Variants in EMP2 observed in about 807,000 individuals in gnomAD.
EMP2 encodes the protein epithelial membrane protein 2.
In EMP2, 19 loss-of-function variants were observed where a neutral mutation model predicts 13.7. The observed-to-expected ratio is 1.38, with a 90% CI of 0.97 to 2.03. EMP2 has a LOEUF of 2.03. EMP2 is among the 30% of genes most tolerant of loss of function. The pLI is 0.00. For synonymous variants in EMP2, 97 were observed against 84.7 expected (o/e 1.15, Z -0.80); for missense variants, 253 against 220.7 (o/e 1.15, Z -0.93).
At position 10,532,740 on chromosome 16, in the gene EMP2, A is replaced by ATTTTTTTTTTTT. The variant is rs35927182; in HGVS notation, c.*164_*165insAAAAAAAAAAAA. ...ATGCAAAAACTCTTCTCTCTTTTGG[A>ATTTTTTTTTTTT]TTTTTTTTTTCTTTTTTCTTTTTTT... On this transcript the variant is annotated 3_prime_UTR_variant, in exon 5 of 5. Coordinates refer to ENST00000359543, the MANE Select transcript of EMP2 (RefSeq NM_001424.6). 2 of 202,990 alleles carry ATTTTTTTTTTTT rather than the reference A, an allele frequency of 9.9e-6. No homozygotes were observed. Among genetic ancestry groups the ATTTTTTTTTTTT allele is most frequent in the Admixed American group, 1.2e-4 (1 of 8,360 alleles). The allele number at this position is 202,990 out of a possible 1,614,324, so 12.6% of individuals were successfully genotyped here. A position where few individuals can be genotyped will look rare whatever the true frequency, so the allele number is the denominator to read the frequency against.
At chr16:10,577,026 C>A (rs146144160) in intron 1 of EMP2, among the ~76,000 whole-genome samples, 2 of 152,152 alleles carry the variant, frequency 1.3e-5, no homozygotes, top group African/African-American at 4.8e-5. Flanking sequence ...ACAGATGACA[C>A]GTGCTATAAG....
chr16:10,562,579 A>C (rs1277797356), intron 1 of EMP2, among the ~76,000 whole-genome samples: 1 of 151,954 alleles, frequency 6.6e-6, no homozygotes, highest in Non-Finnish European at 1.5e-5. Flanking sequence ...AATCAGAAAA[A>C]CCACCCAGCT....
At position 10,547,691 on chromosome 16, in the gene EMP2, GA is replaced by G; in HGVS notation, c.-60-15del. 1 of 1,445,174 alleles carries G rather than the reference GA, an allele frequency of 6.9e-7. No homozygotes were observed. The highest frequency in any genetic ancestry group is 2.3e-5 in the East Asian group (1 of 43,460). 89.5% of individuals were successfully genotyped at this position (1,445,174 alleles called of 1,614,324 possible). A position where few individuals can be genotyped will look rare whatever the true frequency, so the allele number is the denominator to read the frequency against. On this transcript the variant is annotated splice_polypyrimidine_tract_variant and intron_variant, in intron 1 of 4. Transcript: ENST00000359543. Reference sequence around the variant, plus strand: ...GAGCGGGATGTGCTGAAGAGGGTAAGAAAGAGAAATTCAAAATCTGTCAATG... The same window carrying G: ...GAGCGGGATGTGCTGAAGAGGGTAAGAAGAGAAATTCAAAATCTGTCAATG...
chr16:10,579,374 T>C (rs2051007096), intron 1 of EMP2, among the ~76,000 whole-genome samples: 1 of 152,158 alleles, frequency 6.6e-6, no homozygotes, highest in African/African-American at 2.4e-5. Flanking sequence ...ATTTTTATGA[T>C]AAAATATGCA....
In EMP2 at chr16:10,541,502, G is replaced by A. The variant is rs540377955; in HGVS notation, c.169+2068C>T. On this transcript the variant is annotated intron_variant, in intron 3 of 4. Coordinates refer to ENST00000359543, the MANE Select transcript of EMP2 (RefSeq NM_001424.6). ...AGGCCTTGGACTGAATTTGGCCAGC[G>A]GTTCGCCAACCCCTGTTTTAAAGAA... Among the ~76,000 whole-genome samples, 7 of 152,196 alleles carry A rather than the reference G, an allele frequency of 4.6e-5. No homozygotes were observed. The East Asian group carries it at 5.8e-4, about 13-fold the overall frequency.
chr16:10,538,724 G>A (rs944125279), intron 3 of EMP2, among the ~76,000 whole-genome samples: 6 of 152,148 alleles, frequency 3.9e-5, no homozygotes, highest in Admixed American at 1.3e-4. Flanking sequence ...GTCACAGTGA[G>A]GCTAATGTGT....
intron 1 of EMP2, among the ~76,000 whole-genome samples, chr16:10,578,712 G>A (rs932066627): frequency 1.3e-5 from 2 of 152,226 alleles, no homozygotes; most frequent in African/African-American, 2.4e-5. Flanking sequence ...CACTTGAGGG[G>A]CAGAGGAGGC....
intron 1 of EMP2, among the ~76,000 whole-genome samples, chr16:10,562,249 G>A (rs1017628437): frequency 2.6e-5 from 4 of 151,762 alleles, no homozygotes; most frequent in African/African-American, 9.7e-5. Context: ...TGCCCAGCTG[G>A]CCTTGTGATT....
chr16:10,561,511 G>A (rs767877916), intron 1 of EMP2, among the ~76,000 whole-genome samples: 3 of 152,144 alleles, frequency 2.0e-5, no homozygotes, highest in Admixed American at 6.5e-5. Context: ...GGGCAACCAA[G>A]AGCACATGAT....
At position 10,542,366 on chromosome 16, in the gene EMP2, C is replaced by T. The variant is rs572026953; in HGVS notation, c.169+1204G>A. Among the ~76,000 whole-genome samples, 3 of 152,230 alleles carry T rather than the reference C, an allele frequency of 2.0e-5. No homozygotes were observed. The South Asian group carries it at 6.2e-4, about 32-fold the overall frequency. ...TGAGTCGTGACTGCACCACTGCACTCCAGCCTGGGTGACAGAGTGAGACCC... is the reference window on the plus strand; with the variant it reads ...TGAGTCGTGACTGCACCACTGCACTTCAGCCTGGGTGACAGAGTGAGACCC... On this transcript the variant is annotated intron_variant, in intron 3 of 4. Coordinates refer to ENST00000359543, the MANE Select transcript of EMP2 (RefSeq NM_001424.6).
chr16:10,560,630 G>A lies in EMP2; in HGVS notation c.-60-12953C>T, dbSNP rs568023484. 3.3e-5 allele frequency among the ~76,000 whole-genome samples: 5 copies of A among 152,350 alleles called. No individual in the cohort carries two copies. In the East Asian group the frequency reaches 5.8e-4, roughly 18 times the overall value. On this transcript the variant is annotated intron_variant, in intron 1 of 4. Coordinates refer to ENST00000359543, the MANE Select transcript of EMP2 (RefSeq NM_001424.6). ...GGGCTGCCGGGTCCCTAAAGGGCAA[G>A]GGTGTGTAAACGGACGGATATGACG...
At chr16:10,565,116 A>G (rs78220097) in intron 1 of EMP2, among the ~76,000 whole-genome samples, 1 of 152,334 alleles carries the variant, frequency 6.6e-6, no homozygotes, top group African/African-American at 2.4e-5. Flanking sequence ...TTAAAGTCAT[A>G]TTCGCACAAA....
chr16:10,532,771 T>C lies in EMP2; in HGVS notation c.*134A>G, dbSNP rs868559556. ...TTTTTCTTTTTTCTTTTTTTTTTTTTTTTTTTTTTTTTTTTGGCTTTTAAA... is the reference window on the plus strand; with the variant it reads ...TTTTTCTTTTTTCTTTTTTTTTTTTCTTTTTTTTTTTTTTTGGCTTTTAAA... On this transcript the variant is annotated 3_prime_UTR_variant, in exon 5 of 5. Transcript: ENST00000359543. 340 of 377,460 alleles carry C rather than the reference T, an allele frequency of 9.0e-4. 30 individuals are homozygous for C. Among genetic ancestry groups the C allele is most frequent in the African/African-American group, 5.5e-3 (247 of 44,854 alleles). The allele number at this position is 377,460 out of a possible 1,614,324, so 23.4% of individuals were successfully genotyped here.
intron 2 of EMP2, 75 bp downstream of exon 2, chr16:10,547,465 A>G (rs1260422516): frequency 6.7e-7 from 1 of 1,499,006 alleles, no homozygotes; most frequent in African/African-American, 1.4e-5. Flanking sequence ...GCAGCATGAG[A>G]ACAGACCAAT....
chr16:10,545,220 A>G (rs2050730690), intron 2 of EMP2: 1 of 152,186 alleles, frequency 6.6e-6, no homozygotes, highest in South Asian at 2.1e-4. Flanking sequence ...CCTTTTCAGG[A>G]TCCCAAAGGA....
chr16:10,537,357 A>C (rs1007787676), intron 4 of EMP2, among the ~76,000 whole-genome samples: 6 of 152,192 alleles, frequency 3.9e-5, no homozygotes, highest in Admixed American at 3.9e-4. Context: ...GAGCCCCTGC[A>C]GCCAGCACAG....
At chr16:10,568,109 C>G (rs945043304) in intron 1 of EMP2, among the ~76,000 whole-genome samples, 2 of 152,158 alleles carry the variant, frequency 1.3e-5, no homozygotes, top group African/African-American at 4.8e-5. Context: ...AATACCAGGG[C>G]TGCAGAAAAA....
At chr16:10,542,564 C>T (rs902204930) in intron 3 of EMP2, among the ~76,000 whole-genome samples, 6 of 152,094 alleles carry the variant, frequency 3.9e-5, no homozygotes, top group Non-Finnish European at 7.4e-5. Context: ...CTAATTTAAC[C>T]GGGTATACTG....
chr16:10,579,983 C>G (rs1297928116), intron 1 of EMP2, among the ~76,000 whole-genome samples: 3 of 152,360 alleles, frequency 2.0e-5, no homozygotes, highest in East Asian at 1.9e-4. Flanking sequence ...GCCCCCCAAG[C>G]CCTTCTAGAG....
Sources: allele counts gnomAD v4.1 joint callset (sites outside exome capture counted in the v4.1 genomes callset), GRCh38; gene constraint gnomAD v4.1.1; transcripts MANE v1.5; gene names NCBI Gene and HGNC (gene_info 2026-07-23, HGNC 2026-07-21).